Variants in FILIP1L observed in about 807,000 individuals in gnomAD.
The protein encoded by FILIP1L is filamin A-interacting protein 1-like.
Under a neutral mutation model 96.6 loss-of-function variants are expected in FILIP1L, and 55 were observed. That is an observed-to-expected ratio of 0.57 (90% CI 0.46 to 0.71). FILIP1L has a LOEUF of 0.71. Among genes scored for constraint, FILIP1L ranks in the 30% least tolerant of loss-of-function variants. The pLI is 0.00. For synonymous variants in FILIP1L, 467 were observed against 473.9 expected (o/e 0.99, Z 0.19); for missense variants, 1,304 against 1,321.2 (o/e 0.99, Z 0.20).
At chr3:100,039,185 A>T (rs923472) in intron 1 of FILIP1L, among the ~76,000 whole-genome samples, 92,122 of 151,952 alleles carry the variant, frequency 0.61, 28,052 homozygotes, top group East Asian at 0.72. Flanking sequence ...CAGACCTTTC[A>T]CTGTAGTGGT....
intron 1 of FILIP1L, among the ~76,000 whole-genome samples, chr3:100,055,706 T>C (rs528344722): frequency 4.6e-5 from 7 of 152,216 alleles, no homozygotes; most frequent in Non-Finnish European, 1.0e-4. Context: ...AGTCAAACAT[T>C]CTTGAGAGGA....
intron 1 of FILIP1L, among the ~76,000 whole-genome samples, chr3:100,014,543 G>C (rs768794807): frequency 6.6e-5 from 10 of 152,078 alleles, no homozygotes; most frequent in Non-Finnish European, 1.5e-4. Context: ...TAACAGATGT[G>C]AGGTGATATC....
At chr3:100,094,343 A>G (rs2066163989) in intron 1 of FILIP1L, among the ~76,000 whole-genome samples, 1 of 152,012 alleles carries the variant, frequency 6.6e-6, no homozygotes, top group South Asian at 2.1e-4. Context: ...CCTTTCTCAC[A>G]TATGTAGTTT....
intron 1 of FILIP1L, among the ~76,000 whole-genome samples, chr3:100,086,470 G>C (rs6783067): frequency 0.015 from 2,244 of 152,198 alleles, 55 homozygotes; most frequent in African/African-American, 0.052. Flanking sequence ...ACTTATAACA[G>C]TACCTAACTC....
chr3:99,848,135 C>A, intron 5 of FILIP1L, 160 bp downstream of exon 5: 1 of 1,487,328 alleles, frequency 6.7e-7, no homozygotes, highest in East Asian at 2.4e-5. Flanking sequence ...CAGTTAGTTT[C>A]AGATACTCTT....
intron 1 of FILIP1L, among the ~76,000 whole-genome samples, chr3:100,066,099 T>C (rs1000427901): frequency 3.9e-5 from 6 of 152,230 alleles, no homozygotes; most frequent in Non-Finnish European, 7.3e-5. Flanking sequence ...CTTTACTCTT[T>C]AAGAGATTAC....
At chr3:99,989,687 T>TC (rs1475039245) in intron 1 of FILIP1L, among the ~76,000 whole-genome samples, 2 of 149,524 alleles carry the variant, frequency 1.3e-5, no homozygotes, top group African/African-American at 5.0e-5. Flanking sequence ...TATATATATT[T>TC]TTTTTCTTTT....
At chr3:100,071,885 C>G (rs2065769730) in intron 1 of FILIP1L, among the ~76,000 whole-genome samples, 1 of 152,162 alleles carries the variant, frequency 6.6e-6, no homozygotes, top group Admixed American at 6.5e-5. Context: ...ACCCATCAAC[C>G]AGGTGTCTTC....
At chr3:99,877,555 C>CTATTT (rs146498760) in intron 4 of FILIP1L, among the ~76,000 whole-genome samples, 1,761 of 152,286 alleles carry the variant, frequency 0.012, 18 homozygotes, top group African/African-American at 0.026. Context: ...ATACAGTATA[C>CTATTT]TAAGAGATGT....
intron 1 of FILIP1L, among the ~76,000 whole-genome samples, chr3:99,939,092 G>T (rs1343288072): frequency 2.6e-5 from 4 of 152,160 alleles, no homozygotes; most frequent in Non-Finnish European, 5.9e-5. Context: ...TATGATTCAG[G>T]TTCATATTCC....
At chr3:99,913,089 C>T (rs572073535) in intron 4 of FILIP1L, among the ~76,000 whole-genome samples, 15 of 151,962 alleles carry the variant, frequency 9.9e-5, no homozygotes, top group East Asian at 3.9e-4. Flanking sequence ...AACAAGGAGA[C>T]GACAGCGGTT....
At chr3:99,898,222 A>G (rs1338991502) in intron 4 of FILIP1L, 1 of 152,200 alleles carries the variant, frequency 6.6e-6, no homozygotes, top group African/African-American at 2.4e-5. Flanking sequence ...AAAAAAGTAT[A>G]TCTTTATATT....
chr3:100,061,139 TA>T (rs879451507), intron 1 of FILIP1L, among the ~76,000 whole-genome samples: 100 of 147,888 alleles, frequency 6.8e-4, no homozygotes, highest in Middle Eastern at 6.9e-3. Context: ...TGTTAAAATT[TA>T]AAAAAAAAAA....
At chr3:99,896,102 A>AG (rs1559679712) in intron 4 of FILIP1L, among the ~76,000 whole-genome samples, 1 of 152,056 alleles carries the variant, frequency 6.6e-6, no homozygotes, top group African/African-American at 2.4e-5. Context: ...ATAAACTTTT[A>AG]GAAAAAAAAA....
chr3:99,849,385 ATC>A lies in FILIP1L; in HGVS notation c.2289_2290del (p.Glu763AspfsTer2). 1 of 1,614,098 alleles carries A rather than the reference ATC, an allele frequency of 6.2e-7. No homozygotes were observed. Among genetic ancestry groups the A allele is most frequent in the Non-Finnish European group, 8.5e-7 (1 of 1,180,020 alleles). ...CTCTAACTCCTTAGTGAGGTTTTCA[ATC>A]TCTCTTCCTAAATCTCTGTTCCTGT... On this transcript the variant is annotated frameshift_variant, in exon 5 of 6. Coordinates refer to ENST00000477258, the MANE Select transcript of FILIP1L (RefSeq NM_001387850.1). LOFTEE classifies it high-confidence loss of function.
chr3:99,893,076 T>A (rs1369866293), intron 4 of FILIP1L, among the ~76,000 whole-genome samples: 1 of 152,084 alleles, frequency 6.6e-6, no homozygotes, highest in East Asian at 1.9e-4. Flanking sequence ...CTCTCAAGTG[T>A]TACTGGGAAG....
chr3:100,072,664 A>G lies in FILIP1L; in HGVS notation c.-11+41389T>C, dbSNP rs796225033. Among the ~76,000 whole-genome samples, 4 of 152,320 alleles carry G rather than the reference A, an allele frequency of 2.6e-5. No individual in the cohort carries two copies. The South Asian group carries it at 8.3e-4, about 32-fold the overall frequency. ...AATTAGGAAATCTTTATTGCCTTCC[A>G]GAAATATGGGATTGCTTGAACACAG... is the stretch of plus-strand genomic sequence containing the variant. On this transcript the variant is annotated intron_variant, in intron 1 of 5. Coordinates refer to ENST00000477258, the MANE Select transcript of FILIP1L (RefSeq NM_001387850.1).
chr3:99,944,294 G>A (rs1238565199), intron 1 of FILIP1L, among the ~76,000 whole-genome samples: 1 of 152,104 alleles, frequency 6.6e-6, no homozygotes, highest in Non-Finnish European at 1.5e-5. Flanking sequence ...GAGGTGATAG[G>A]GAACTATGAT....
chr3:100,062,265 C>G (rs181614407), intron 1 of FILIP1L, among the ~76,000 whole-genome samples: 7 of 151,534 alleles, frequency 4.6e-5, no homozygotes, highest in African/African-American at 1.7e-4. Context: ...GCGCTCGCCA[C>G]CACGCCCAGC....
Sources: gnomAD v4.1 joint callset for allele counts (sites outside exome capture counted in the v4.1 genomes callset) on GRCh38, gnomAD v4.1.1 for gene constraint, MANE v1.5 for transcripts, NCBI Gene and HGNC (gene_info 2026-07-23, HGNC 2026-07-21) for gene names.